Variants in FAM81A observed in about 807,000 individuals in gnomAD.
FAM81A encodes family with sequence similarity 81 member A, also known as protein FAM81A.
A neutral mutation model predicts 46.7 loss-of-function variants in FAM81A; 19 were observed. The ratio of observed to expected loss-of-function variants is 0.41; its 90% confidence interval spans 0.28 to 0.60. FAM81A has a LOEUF of 0.60. Among genes scored for constraint, FAM81A ranks in the 20% least tolerant of loss-of-function variants. The pLI, the probability that FAM81A is intolerant of heterozygous loss-of-function variation, is 0.34. For missense variants in FAM81A, 377 were observed against 453.5 expected (o/e 0.83, Z 1.53); for synonymous variants, 183 against 152.9 (o/e 1.20, Z -1.45).
intron 1 of FAM81A, among the ~76,000 whole-genome samples, chr15:59,400,398 C>T (rs2081065356): frequency 6.6e-6 from 1 of 151,572 alleles, no homozygotes; most frequent in Admixed American, 6.6e-5. Flanking sequence ...GCCCAAGCTA[C>T]TATCATCCTC....
At position 59,411,999 on chromosome 15, in the gene FAM81A, A is replaced by C. The variant is rs369716055; in HGVS notation, c.-78+9641A>C. On this transcript the variant is annotated intron_variant, in intron 2 of 4. Coordinates refer to the FAM81A transcript ENST00000558348. ...GTGGGCAGAAAAAGAAACAAACAAA[A>C]AAAAAAAACGGGGGATGAGAGGCTA... is the stretch of plus-strand genomic sequence containing the variant. Among the ~76,000 whole-genome samples, 489 of 151,992 alleles carry C rather than the reference A, an allele frequency of 3.2e-3. 1 individual carries two copies. The highest frequency in any genetic ancestry group is 6.8e-3 in the Middle Eastern group (2 of 294).
chr15:59,433,145 A>C (rs2081228483), intron 2 of FAM81A, among the ~76,000 whole-genome samples: 1 of 145,576 alleles, frequency 6.9e-6, no homozygotes, highest in Non-Finnish European at 1.5e-5. Flanking sequence ...CGTCTCAAAA[A>C]AAAAAAAAAA....
At chr15:59,518,372 G>C (rs1382990219) in intron 8 of FAM81A, among the ~76,000 whole-genome samples, 1 of 152,026 alleles carries the variant, frequency 6.6e-6, no homozygotes, top group Admixed American at 6.6e-5. Context: ...TGCCTAGGCC[G>C]GGGTGAAGTG....
At chr15:59,495,454 A>G (rs921561136) in intron 4 of FAM81A, among the ~76,000 whole-genome samples, 1 of 152,172 alleles carries the variant, frequency 6.6e-6, no homozygotes, top group Non-Finnish European at 1.5e-5. Flanking sequence ...ACTTTTGACT[A>G]TTTTAAATAA....
chr15:59,519,490 T>C (rs765530470), intron 8 of FAM81A, among the ~76,000 whole-genome samples: 4 of 140,218 alleles, frequency 2.9e-5, no homozygotes, highest in Admixed American at 7.2e-5. Context: ...CTTCCTTCCT[T>C]CCTCCCTCCT....
intron 1 of FAM81A, chr15:59,401,815 T>A: frequency 1.4e-6 from 1 of 739,620 alleles, no homozygotes; most frequent in South Asian, 1.5e-5. Context: ...ATCTTGATAG[T>A]CTTTTTTATT....
chr15:59,427,383 T>C (rs1447092131), intron 2 of FAM81A, among the ~76,000 whole-genome samples: 2 of 152,212 alleles, frequency 1.3e-5, no homozygotes, highest in Non-Finnish European at 2.9e-5. Flanking sequence ...AGTGCTGGGA[T>C]TACAGGCTTG....
upstream of FAM81A, chr15:59,438,160 G>A (rs1397264267): frequency 1.4e-5 from 2 of 146,372 alleles, no homozygotes; most frequent in African/African-American, 4.9e-5. Context: ...GCGCTGATTG[G>A]ACGGCGCTCC....
chr15:59,435,166 A>G (rs1360422143), upstream of FAM81A, among the ~76,000 whole-genome samples: 1 of 152,182 alleles, frequency 6.6e-6, no homozygotes, highest in African/African-American at 2.4e-5. Flanking sequence ...GCATGTTTGT[A>G]GTCCCAGCTC....
At chr15:59,503,313 C>G (rs1173790024) in intron 4 of FAM81A, among the ~76,000 whole-genome samples, 4 of 150,222 alleles carry the variant, frequency 2.7e-5, no homozygotes, top group African/African-American at 9.8e-5. Context: ...TGTTAACAGT[C>G]TGTTGTCTGT....
chr15:59,478,057 G>C (rs1392047515), intron 3 of FAM81A, among the ~76,000 whole-genome samples: 1 of 152,194 alleles, frequency 6.6e-6, no homozygotes, highest in African/African-American at 2.4e-5. Context: ...CCGAGCCCTG[G>C]TGAGCAGTCC....
At chr15:59,428,544 G>A (rs547735940) in intron 2 of FAM81A, among the ~76,000 whole-genome samples, 1 of 149,902 alleles carries the variant, frequency 6.7e-6, no homozygotes, top group African/African-American at 2.4e-5. Flanking sequence ...CCAGTAGCTG[G>A]GATTATAGGC....
chr15:59,453,637 G>C (rs2081445991), intron 1 of FAM81A, among the ~76,000 whole-genome samples: 2 of 152,042 alleles, frequency 1.3e-5, no homozygotes, highest in South Asian at 2.1e-4. Flanking sequence ...GAGAAAGAGG[G>C]ATGAGAGAGA....
At chr15:59,443,394 TA>T (rs1221796165) in intron 1 of FAM81A, among the ~76,000 whole-genome samples, 2 of 152,086 alleles carry the variant, frequency 1.3e-5, no homozygotes, top group Admixed American at 1.3e-4. Context: ...AAAGATCTTT[TA>T]AAAAAAAGAT....
In FAM81A at chr15:59,438,188, A is replaced by G. The variant is rs1356929406; in HGVS notation, c.-172A>G. ...GGCGCTCCCCGCGGCGCGGGCCCGC[A>G]GCCGGGCGCCCTGCTCAGCCAGCGC... On this transcript the variant is annotated 5_prime_UTR_variant, in exon 1 of 9. Transcript: ENST00000288228. The G allele has an allele frequency of 2.1e-5, 3 of 146,220 alleles. No individual in the cohort carries two copies. Among genetic ancestry groups the G allele is most frequent in the Admixed American group, 2.0e-4 (3 of 14,748 alleles). The allele number at this position is 146,220 out of a possible 1,614,324, so 9.1% of individuals were successfully genotyped here.
intron 2 of FAM81A, among the ~76,000 whole-genome samples, chr15:59,427,810 A>C (rs1297663018): frequency 6.6e-6 from 1 of 152,248 alleles, no homozygotes; most frequent in African/African-American, 2.4e-5. Context: ...TCATCTGCTG[A>C]ATACACTTAG....
In FAM81A at chr15:59,443,253, T is replaced by G. The variant is rs556536328; in HGVS notation, c.-78+4971T>G. 4.0e-3 allele frequency among the ~76,000 whole-genome samples: 611 copies of G among 152,216 alleles called. 2 individuals are homozygous for G. Among genetic ancestry groups the G allele is most frequent in the Non-Finnish European group, 6.4e-3 (438 of 67,990 alleles). ...ACCCACCATCATGCCTGGCTAACTT[T>G]TGTAATTTTGTAGAGACAGTGTTTC... On this transcript the variant is annotated intron_variant, in intron 1 of 8. Transcript: ENST00000288228.
chr15:59,480,678 C>T (rs955407370), intron 3 of FAM81A, among the ~76,000 whole-genome samples: 5 of 152,084 alleles, frequency 3.3e-5, no homozygotes, highest in Non-Finnish European at 7.4e-5. Flanking sequence ...ATGCCTGATG[C>T]TCAGCACACA....
At chr15:59,409,022 A>C (rs1411622069) in intron 2 of FAM81A, 1 of 152,220 alleles carries the variant, frequency 6.6e-6, no homozygotes, top group Non-Finnish European at 1.5e-5. Context: ...TTTAAAAATA[A>C]AATTTAATAA....
Sources: gnomAD v4.1 joint callset for allele counts (sites outside exome capture counted in the v4.1 genomes callset) on GRCh38, gnomAD v4.1.1 for gene constraint, MANE v1.5 for transcripts, NCBI Gene and HGNC (gene_info 2026-07-23, HGNC 2026-07-21) for gene names.